The following TDRD5 variants were observed in gnomAD, a reference collection of about 807,000 sequenced individuals.
The protein encoded by TDRD5 is tudor domain-containing protein 5.
TDRD5 carries 41 observed loss-of-function variants against 120.6 expected under a neutral mutation model. The observed-to-expected ratio is 0.34, with a 90% CI of 0.26 to 0.44. TDRD5 has a LOEUF of 0.44. Ranked by LOEUF, TDRD5 falls within the 20% of genes least tolerant of loss-of-function variation. The probability of loss-of-function intolerance (pLI) is 1.00; values close to 1 mark genes in which losing one functional copy is unlikely to be tolerated. For synonymous variants in TDRD5, 430 were observed against 433.7 expected (o/e 0.99, Z 0.11); for missense variants, 1,006 against 1,221.2 (o/e 0.82, Z 2.63).
intron 13 of TDRD5, 83 bp from the exon 14 acceptor site, chr1:179,654,118 T>A: frequency 1.7e-6 from 2 of 1,204,056 alleles, no homozygotes; most frequent in South Asian, 3.9e-5. Context: ...TAGCAAAAAC[T>A]TCCCCCCAAA....
intron 7 of TDRD5, among the ~76,000 whole-genome samples, chr1:179,633,780 C>G (rs973990625): frequency 2.6e-5 from 4 of 152,132 alleles, no homozygotes; most frequent in East Asian, 1.9e-4. Context: ...TAGTTACATA[C>G]AGTCTACGTT....
intron 3 of TDRD5, among the ~76,000 whole-genome samples, chr1:179,595,220 C>T (rs943850126): frequency 2.0e-5 from 3 of 152,102 alleles, no homozygotes; most frequent in Non-Finnish European, 2.9e-5. Flanking sequence ...TATTCTGTAG[C>T]TTTTCATCCT....
intron 9 of TDRD5, among the ~76,000 whole-genome samples, chr1:179,636,678 A>G (rs1418341778): frequency 1.3e-5 from 2 of 152,220 alleles, no homozygotes; most frequent in Non-Finnish European, 2.9e-5. Context: ...ACATTTCATT[A>G]TGCAGTATAA....
rs1433075758 is a variant in TDRD5 at position 179,634,559 on chromosome 1, C to CA, written c.1236dup (p.Gln413ThrfsTer13). 1.2e-6 allele frequency: 2 copies of CA among 1,612,456 alleles called. No homozygotes were observed. The highest frequency in any genetic ancestry group is 1.7e-6 in the Non-Finnish European group (2 of 1,179,548). On this transcript the variant is annotated frameshift_variant, in exon 8 of 18. Coordinates refer to ENST00000444136, the MANE Select transcript of TDRD5 (RefSeq NM_001199085.3). LOFTEE classifies it high-confidence loss of function. ...AAAGAGACTGTATGGAATTGCCCTTCAAAAAAACAAAAAGAGCCACAACAG... is the reference window on the plus strand; with the variant it reads ...AAAGAGACTGTATGGAATTGCCCTTCAAAAAAAACAAAAAGAGCCACAACAG...
intron 13 of TDRD5, among the ~76,000 whole-genome samples, chr1:179,652,702 T>C (rs1017990485): frequency 6.6e-6 from 1 of 152,206 alleles, no homozygotes; most frequent in Non-Finnish European, 1.5e-5. Flanking sequence ...GTTTATACTT[T>C]CATATCTACA....
intron 5 of TDRD5, 90 bp from the exon 6 acceptor site, chr1:179,620,945 G>T: frequency 6.0e-6 from 6 of 1,002,752 alleles, no homozygotes; most frequent in South Asian, 1.8e-5. Context: ...TGTTACTTTT[G>T]CCTTTGTTGT....
At chr1:179,630,552 C>T (rs1000007668) in intron 6 of TDRD5, among the ~76,000 whole-genome samples, 1 of 152,056 alleles carries the variant, frequency 6.6e-6, no homozygotes, top group Non-Finnish European at 1.5e-5. Flanking sequence ...TTACCACATG[C>T]TTTAAAAGGA....
intron 6 of TDRD5, among the ~76,000 whole-genome samples, chr1:179,630,001 A>G (rs1677347043): frequency 7.1e-6 from 1 of 141,150 alleles, no homozygotes; most frequent in East Asian, 2.0e-4. Context: ...TTTTTTTGAG[A>G]CGGAGTCTTG....
rs574798026 is a variant in TDRD5 at position 179,638,395 on chromosome 1, A to G, written c.1521-1444A>G. On this transcript the variant is annotated intron_variant, in intron 9 of 17. Transcript: ENST00000444136. ...CAGGTTTGAGCTGGGGTGAAAACTTATTAGTAGAAGTTCACCTGTAGTGTC... is the reference window on the plus strand; with the variant it reads ...CAGGTTTGAGCTGGGGTGAAAACTTGTTAGTAGAAGTTCACCTGTAGTGTC... Among the ~76,000 whole-genome samples the G allele has an allele frequency of 1.6e-3, 208 of 128,478 alleles. 38 individuals carry two copies. Among genetic ancestry groups the G allele is most frequent in the African/African-American group, 5.5e-3 (200 of 36,284 alleles). The allele number at this position is 128,478 out of a possible 152,430, so 84.3% of individuals were successfully genotyped here. A position where few individuals can be genotyped will look rare whatever the true frequency, so the allele number is the denominator to read the frequency against.
chr1:179,644,890 T>C (rs1196295359), intron 11 of TDRD5, among the ~76,000 whole-genome samples: 1 of 151,992 alleles, frequency 6.6e-6, no homozygotes, highest in African/African-American at 2.4e-5. Context: ...GGGTTTATTT[T>C]GCTGTTCTTT....
At chr1:179,648,363 C>T (rs1453590235) in intron 11 of TDRD5, among the ~76,000 whole-genome samples, 8 of 135,630 alleles carry the variant, frequency 5.9e-5, no homozygotes, top group African/African-American at 8.0e-5. Flanking sequence ...AACCAAACAC[C>T]GCATATTCTC....
At chr1:179,659,590 T>C (rs28814441) in intron 14 of TDRD5, among the ~76,000 whole-genome samples, 1,442 of 67,080 alleles carry the variant, frequency 0.021, 8 homozygotes, top group South Asian at 0.092. Context: ...TGTGTGTGTG[T>C]GCGCGCGCTT....
intron 4 of TDRD5, among the ~76,000 whole-genome samples, chr1:179,608,899 A>G (rs544120667): frequency 6.6e-6 from 1 of 152,118 alleles, no homozygotes; most frequent in African/African-American, 2.4e-5. Flanking sequence ...TTTTCTTTTA[A>G]GCTGTATTAG....
At chr1:179,601,373 C>T (rs1341182644) in intron 4 of TDRD5, among the ~76,000 whole-genome samples, 2 of 152,108 alleles carry the variant, frequency 1.3e-5, no homozygotes, top group Non-Finnish European at 2.9e-5. Flanking sequence ...ATCACCCAAG[C>T]AGTATACACT....
intron 6 of TDRD5, among the ~76,000 whole-genome samples, chr1:179,626,228 GA>G (rs1353187885): frequency 6.9e-6 from 1 of 145,342 alleles, no homozygotes; most frequent in Non-Finnish European, 1.6e-5. Flanking sequence ...ATAATAAAAA[GA>G]AAAAAAAGAA....
intron 17 of TDRD5, among the ~76,000 whole-genome samples, chr1:179,675,264 ATTATTATTATTT>A (rs1680068403): frequency 3.7e-5 from 1 of 27,052 alleles, no homozygotes; most frequent in African/African-American, 1.1e-4. Context: ...TTTTATTATT[ATTATTATTATTT>A]TTTTTTTTTT....
intron 2 of TDRD5, among the ~76,000 whole-genome samples, chr1:179,593,198 C>A (rs1299132808): frequency 1.3e-5 from 2 of 152,168 alleles, no homozygotes; most frequent in African/African-American, 4.8e-5. Context: ...GTTTGCAGTT[C>A]ATCCCAAGAG....
At position 179,650,980 on chromosome 1, in the gene TDRD5, C is replaced by T; in HGVS notation, c.1914C>T (p.Asp638=). Residue 638 remains aspartate, a synonymous_variant, in exon 12 of 18, where the codon GAC becomes GAT. Coordinates refer to ENST00000444136, the MANE Select transcript of TDRD5 (RefSeq NM_001199085.3). The part of the protein sequence containing the change: ...VDGILNIFLC[D]TSSNEDVYFH... ...GAATCCTTAACATTTTTTTGTGTGA[C>T]ACATCCTCAAACGAAGATGTCTATT... 6.2e-7 allele frequency: 1 copy of T among 1,614,098 alleles called. No individual in the cohort carries two copies. Among genetic ancestry groups the T allele is most frequent in the Non-Finnish European group, 8.5e-7 (1 of 1,180,010 alleles).
intron 6 of TDRD5, among the ~76,000 whole-genome samples, chr1:179,628,443 C>T (rs1042872328): frequency 3.5e-5 from 5 of 144,776 alleles, no homozygotes; most frequent in Middle Eastern, 7.1e-3. Flanking sequence ...GGATTACAGG[C>T]ACATGCTACC....
Sources: gnomAD v4.1 joint callset for allele counts (sites outside exome capture counted in the v4.1 genomes callset) on GRCh38, gnomAD v4.1.1 for gene constraint, MANE v1.5 for transcripts, NCBI Gene and HGNC (gene_info 2026-07-23, HGNC 2026-07-21) for gene names.